Variants in RGS6 observed in about 807,000 individuals in gnomAD.
RGS6 encodes regulator of G protein signaling 6.
Under a neutral mutation model 78.5 loss-of-function variants are expected in RGS6, and 30 were observed. That is an observed-to-expected ratio of 0.38 (90% CI 0.29 to 0.52). The LOEUF is 0.52. RGS6 is among the 20% of genes least tolerant of loss of function. RGS6 has a pLI of 0.85. For missense variants in RGS6, 495 were observed against 609.7 expected (o/e 0.81, Z 1.98); for synonymous variants, 206 against 206.0 (o/e 1.00, Z 0.00).
At chr14:72,085,892 A>G (rs926415114) in intron 2 of RGS6, among the ~76,000 whole-genome samples, 1 of 148,612 alleles carries the variant, frequency 6.7e-6, no homozygotes, top group Non-Finnish European at 1.5e-5. Flanking sequence ...CAGAGGAGCT[A>G]CAGTGATGCT....
intron 2 of RGS6, among the ~76,000 whole-genome samples, chr14:72,089,154 A>G (rs2095171382): frequency 6.6e-6 from 1 of 152,242 alleles, no homozygotes; most frequent in South Asian, 2.1e-4. Context: ...TCACCCTTCA[A>G]TTCCTTGTGC....
intron 3 of RGS6, among the ~76,000 whole-genome samples, chr14:72,452,486 C>T (rs529811855): frequency 1.6e-4 from 24 of 152,204 alleles, no homozygotes; most frequent in Non-Finnish European, 3.4e-4. Context: ...CAGAGAGAAA[C>T]AAAATGTCTA....
intron 2 of RGS6, among the ~76,000 whole-genome samples, chr14:72,297,311 G>T (rs575241948): frequency 6.6e-6 from 1 of 151,760 alleles, no homozygotes; most frequent in Non-Finnish European, 1.5e-5. Flanking sequence ...TCTACAAAAC[G>T]TCTTCAGAAA....
chr14:72,389,237 C>CTG (rs1033880747), intron 3 of RGS6, among the ~76,000 whole-genome samples: 1 of 152,150 alleles, frequency 6.6e-6, no homozygotes, highest in Non-Finnish European at 1.5e-5. Context: ...GTTCCATCAA[C>CTG]TGTGTGGTCC....
chr14:72,432,976 G>A (rs1024564813), intron 3 of RGS6, among the ~76,000 whole-genome samples: 1 of 152,160 alleles, frequency 6.6e-6, no homozygotes, highest in Non-Finnish European at 1.5e-5. Context: ...TCAGTCATAG[G>A]TCCGTGTTGT....
chr14:71,874,652 T>G, the RGS6 span, among the ~76,000 whole-genome samples: 2 of 152,236 alleles, frequency 1.3e-5, no homozygotes, highest in African/African-American at 4.8e-5. Flanking sequence ...CCTGCCTGAT[T>G]GCCCTGGCTA....
Position 72,495,258 on chromosome 14 carries a change from A to T in RGS6, c.961A>T (p.Met321Leu), listed in dbSNP as rs2096629128. Reference sequence around the variant, plus strand: ...TGACGTTGCTTTGTGGGACATAGAGATGAGGTAAAAAATGTTTTAAGGTTT... The same window carrying T: ...TGACGTTGCTTTGTGGGACATAGAGTTGAGGTAAAAAATGTTTTAAGGTTT... ...SDDVALWDIEMSKEPSQQRVK... is the reference protein window; with the variant it reads ...SDDVALWDIELSKEPSQQRVK... The change falls in exon 13 of 18, where the codon ATG (methionine) becomes TTG (leucine). Residue 321 changes from methionine (M) to leucine (L), a missense_variant. Physicochemically the swap from Met to Leu is conservative, Grantham distance 15 (BLOSUM62 2). Transcript: ENST00000553525. The T allele has an allele frequency of 6.2e-7, 1 of 1,602,064 alleles. No individual in the cohort carries two copies. Among genetic ancestry groups the T allele is most frequent in the African/African-American group, 1.3e-5 (1 of 74,690 alleles).
chr14:72,335,762 A>G (rs1342409047), intron 2 of RGS6, among the ~76,000 whole-genome samples: 1 of 152,226 alleles, frequency 6.6e-6, no homozygotes, highest in Non-Finnish European at 1.5e-5. Context: ...GAATGTTTAC[A>G]AACTTGTATT....
In RGS6 at chr14:72,302,009, T is replaced by TAA. The variant is rs539009776; in HGVS notation, c.85-50085_85-50084dup. 3.1e-4 allele frequency among the ~76,000 whole-genome samples: 47 copies of TAA among 152,304 alleles called. No individual in the cohort carries two copies. In the East Asian group the frequency reaches 8.5e-3, roughly 27 times the overall value. ...TGGAAAATAATTTCTACATATTTAT[T>TAA]AATAAGGAACCTCTAAGATGAACAG... On this transcript the variant is annotated intron_variant, in intron 2 of 17. Transcript: ENST00000553525.
At chr14:72,007,772 C>A (rs1304358025) in intron 2 of RGS6, among the ~76,000 whole-genome samples, 1 of 152,036 alleles carries the variant, frequency 6.6e-6, no homozygotes, top group East Asian at 1.9e-4. Context: ...TCAAGAAGGA[C>A]CTGTTTCAAA....
chr14:71,985,257 G>A (rs1452007385), intron 2 of RGS6, among the ~76,000 whole-genome samples: 4 of 152,112 alleles, frequency 2.6e-5, no homozygotes, highest in African/African-American at 7.2e-5. Context: ...CCGAGTAGCT[G>A]GGACTACAGG....
intron 2 of RGS6, among the ~76,000 whole-genome samples, chr14:72,328,151 A>G (rs1325266028): frequency 1.3e-5 from 2 of 152,130 alleles, no homozygotes; most frequent in African/African-American, 2.4e-5. Flanking sequence ...TTTTTGTTCT[A>G]TCTGAACCCT....
At chr14:72,002,423 G>A (rs1318052322) in intron 2 of RGS6, among the ~76,000 whole-genome samples, 1 of 152,192 alleles carries the variant, frequency 6.6e-6, no homozygotes, top group Non-Finnish European at 1.5e-5. Flanking sequence ...AAGCATTTCA[G>A]TGTCTAAGGT....
intron 2 of RGS6, among the ~76,000 whole-genome samples, chr14:72,007,916 A>G (rs962244421): frequency 8.5e-5 from 13 of 152,202 alleles, no homozygotes; most frequent in African/African-American, 2.9e-4. Context: ...AAGAGTACAA[A>G]ATGCAGAGAG....
chr14:72,407,942 A>G (rs1393204377), intron 3 of RGS6, among the ~76,000 whole-genome samples: 1 of 152,238 alleles, frequency 6.6e-6, no homozygotes, highest in Non-Finnish European at 1.5e-5. Context: ...ATAGCCAACT[A>G]TGAAACCTCC....
intron 2 of RGS6, among the ~76,000 whole-genome samples, chr14:72,144,590 AC>A (rs1160134099): frequency 6.6e-6 from 1 of 152,218 alleles, no homozygotes; most frequent in Non-Finnish European, 1.5e-5. Context: ...GCAAGGTATT[AC>A]ATTTAAAGAC....
chr14:72,464,458 T>C (rs760792138), intron 6 of RGS6, among the ~76,000 whole-genome samples: 91 of 152,354 alleles, frequency 6.0e-4, no homozygotes, highest in Non-Finnish European at 1.1e-3. Context: ...GGTAGGCTGC[T>C]AGCTTCCAGG....
intron 3 of RGS6, among the ~76,000 whole-genome samples, chr14:72,416,617 G>A (rs1455268986): frequency 6.6e-6 from 1 of 152,140 alleles, no homozygotes; most frequent in Non-Finnish European, 1.5e-5. Context: ...CCCTTCTCAG[G>A]AAGTAGCAGT....
intron 2 of RGS6, among the ~76,000 whole-genome samples, chr14:72,209,396 TTTTC>T (rs34802131): frequency 0.46 from 69,150 of 151,814 alleles, 16,041 homozygotes; most frequent in Middle Eastern, 0.59. Flanking sequence ...GTCTATAAAT[TTTTC>T]TTTCTATTTC....
Sources: gnomAD v4.1 joint callset for allele counts (sites outside exome capture counted in the v4.1 genomes callset) on GRCh38, gnomAD v4.1.1 for gene constraint, MANE v1.5 for transcripts, NCBI Gene and HGNC (gene_info 2026-07-23, HGNC 2026-07-21) for gene names.